Variants in TMEM132D observed in about 807,000 individuals in gnomAD.
TMEM132D encodes transmembrane protein 132D.
Under a neutral mutation model 62.3 loss-of-function variants are expected in TMEM132D, and 21 were observed. The ratio of observed to expected loss-of-function variants is 0.34; its 90% CI spans 0.24 to 0.49. The LOEUF is 0.49. Among genes scored for constraint, TMEM132D ranks in the 20% least tolerant of loss-of-function variants. The probability of loss-of-function intolerance (pLI) is 0.99; values close to 1 mark genes in which losing one functional copy is unlikely to be tolerated. For synonymous variants in TMEM132D, 621 were observed against 575.6 expected (o/e 1.08, Z -1.13); for missense variants, 1,346 against 1,402.8 (o/e 0.96, Z 0.65).
At position 129,885,019 on chromosome 12, in the gene TMEM132D, C is replaced by A. The variant is rs537778194; in HGVS notation, c.79+18242G>T. Among the ~76,000 whole-genome samples, 6 of 152,232 alleles carry A rather than the reference C, an allele frequency of 3.9e-5. No individual in the cohort carries two copies. In the East Asian group the frequency reaches 1.2e-3, roughly 29 times the overall value. On this transcript the variant is annotated intron_variant, in intron 1 of 8. Transcript: ENST00000422113. ...ATTAGGCAATGTGAAGTAAGCCTAG[C>A]CCAAAAGGCTACATAGTGTATGACA...
chr12:129,316,843 A>G (rs1593334673), intron 4 of TMEM132D, among the ~76,000 whole-genome samples: 1 of 152,040 alleles, frequency 6.6e-6, no homozygotes. Context: ...TTAGGTGCAT[A>G]TATGTTTAGG....
chr12:129,677,502 G>T (rs1880659487), intron 2 of TMEM132D, among the ~76,000 whole-genome samples: 1 of 152,152 alleles, frequency 6.6e-6, no homozygotes, highest in Admixed American at 6.5e-5. Flanking sequence ...GCTGTGAAGA[G>T]GTCTAAAGCC....
chr12:129,708,718 T>C (rs919292880), intron 1 of TMEM132D, among the ~76,000 whole-genome samples: 1 of 148,522 alleles, frequency 6.7e-6, no homozygotes, highest in Non-Finnish European at 1.5e-5. Context: ...GTAGTGTTAG[T>C]CCCCAATATT....
intron 3 of TMEM132D, among the ~76,000 whole-genome samples, chr12:129,498,810 A>C (rs1875040888): frequency 6.6e-6 from 1 of 152,172 alleles, no homozygotes; most frequent in East Asian, 1.9e-4. Flanking sequence ...CTAACATGAG[A>C]ATATAGGACT....
rs113974684 is a variant in TMEM132D, at chr12:129,104,378, T to A, written c.1444-19676A>T. 9.7e-3 allele frequency among the ~76,000 whole-genome samples: 1,475 copies of A among 152,102 alleles called. 32 individuals are homozygous for A. Among genetic ancestry groups the A allele is most frequent in the African/African-American group, 0.033 (1,360 of 41,478 alleles). On this transcript the variant is annotated intron_variant, in intron 5 of 8. Coordinates refer to ENST00000422113, the MANE Select transcript of TMEM132D (RefSeq NM_133448.3). ...AACTGGATCCCTTCTTTACACCTTA[T>A]ACAAAAATCAATTCAAGATGGATTA...
intron 2 of TMEM132D, among the ~76,000 whole-genome samples, chr12:129,639,110 T>C (rs991009969): frequency 1.3e-5 from 2 of 152,056 alleles, no homozygotes; most frequent in African/African-American, 4.8e-5. Flanking sequence ...GGGGCGGGCA[T>C]GGTTGCTCAC....
chr12:129,563,549 G>A (rs1293060110), intron 2 of TMEM132D, among the ~76,000 whole-genome samples: 2 of 152,170 alleles, frequency 1.3e-5, no homozygotes, highest in Non-Finnish European at 2.9e-5. Context: ...GAGGTGACAA[G>A]AGAGATGTGT....
intron 3 of TMEM132D, among the ~76,000 whole-genome samples, chr12:129,462,054 G>A (rs573040680): frequency 2.0e-5 from 3 of 152,320 alleles, no homozygotes; most frequent in South Asian, 4.1e-4. Context: ...CCAACAGGCT[G>A]TGAGCTGTGA....
At chr12:129,154,202 G>A (rs946625136) in intron 5 of TMEM132D, among the ~76,000 whole-genome samples, 1 of 152,180 alleles carries the variant, frequency 6.6e-6, no homozygotes, top group Non-Finnish European at 1.5e-5. Flanking sequence ...TTTGTGGGAT[G>A]ACAGCTCAGT....
At chr12:129,848,369 T>C (rs1214451643) in intron 1 of TMEM132D, among the ~76,000 whole-genome samples, 2 of 152,184 alleles carry the variant, frequency 1.3e-5, no homozygotes, top group Non-Finnish European at 2.9e-5. Flanking sequence ...AGTGACAATT[T>C]TTCTTCTTCG....
rs1566078686 is a variant in TMEM132D, at chr12:129,466,279, C to CTGTTTT, written c.1115+64779_1115+64780insAAAACA. On this transcript the variant is annotated intron_variant, in intron 3 of 8. Coordinates refer to ENST00000422113, the MANE Select transcript of TMEM132D (RefSeq NM_133448.3). ...TATAACAGTGGCTGGTAGATTTTTCCTTTTTTTTTTTTTTTTTTTTTTTTT... is the reference window on the plus strand; with the variant it reads ...TATAACAGTGGCTGGTAGATTTTTCCTGTTTTTTTTTTTTTTTTTTTTTTTTTTTTT... Among the ~76,000 whole-genome samples the CTGTTTT allele has an allele frequency of 2.0e-5, 2 of 100,398 alleles. 1 individual carries two copies. Among genetic ancestry groups the CTGTTTT allele is most frequent in the Non-Finnish European group, 3.9e-5 (2 of 51,238 alleles). 65.9% of individuals were successfully genotyped at this position (100,398 alleles called of 152,430 possible).
chr12:129,461,852 A>G (rs117890974), intron 3 of TMEM132D, among the ~76,000 whole-genome samples: 9 of 152,300 alleles, frequency 5.9e-5, no homozygotes, highest in Non-Finnish European at 1.2e-4. Flanking sequence ...GGGTACACAC[A>G]TGCATGAACA....
At chr12:129,439,761 T>C (rs1198788396) in intron 3 of TMEM132D, among the ~76,000 whole-genome samples, 1 of 152,162 alleles carries the variant, frequency 6.6e-6, no homozygotes. Flanking sequence ...CTGGAGTTTT[T>C]TTTAAGTGTT....
chr12:129,743,523 T>G (rs1382844983), intron 1 of TMEM132D, among the ~76,000 whole-genome samples: 2 of 152,216 alleles, frequency 1.3e-5, no homozygotes, highest in East Asian at 3.8e-4. Context: ...CCAGCCATGC[T>G]GAACTGAGTC....
At chr12:129,327,748 C>T (rs1462824834) in intron 4 of TMEM132D, among the ~76,000 whole-genome samples, 1 of 152,192 alleles carries the variant, frequency 6.6e-6, no homozygotes, top group Non-Finnish European at 1.5e-5. Context: ...CAAAGGAGCC[C>T]CCAAATGGTC....
At chr12:129,094,195 C>T (rs563540527) in intron 5 of TMEM132D, among the ~76,000 whole-genome samples, 2 of 151,544 alleles carry the variant, frequency 1.3e-5, no homozygotes, top group Non-Finnish European at 2.9e-5. Context: ...TCTAATTAAA[C>T]TCAAGAACTT....
At chr12:129,166,177 A>G (rs372674934) in intron 5 of TMEM132D, among the ~76,000 whole-genome samples, 189 of 152,286 alleles carry the variant, frequency 1.2e-3, no homozygotes, top group African/African-American at 4.0e-3. Flanking sequence ...GGGCTTAGGC[A>G]GGTAAAAATA....
chr12:129,148,184 T>A (rs1467776152), intron 5 of TMEM132D, among the ~76,000 whole-genome samples: 1 of 152,192 alleles, frequency 6.6e-6, no homozygotes, highest in Non-Finnish European at 1.5e-5. Flanking sequence ...ATGGCACCTA[T>A]GAGGAGCTTG....
chr12:129,314,742 A>C (rs57925258), intron 4 of TMEM132D, among the ~76,000 whole-genome samples: 1,919 of 152,182 alleles, frequency 0.013, 44 homozygotes, highest in African/African-American at 0.044. Context: ...TTGATTCTAC[A>C]CATCCATGAG....
Sources: gnomAD v4.1 joint callset for allele counts (sites outside exome capture counted in the v4.1 genomes callset) on GRCh38, gnomAD v4.1.1 for gene constraint, MANE v1.5 for transcripts, NCBI Gene and HGNC (gene_info 2026-07-23, HGNC 2026-07-21) for gene names.